PCSK6: variants seen among roughly 807,000 people sequenced by gnomAD.
PCSK6 encodes paired basic amino acid cleaving enzyme 4.
A neutral mutation model predicts 123.3 loss-of-function variants in PCSK6; 85 were observed. The observed-to-expected ratio is 0.69, with a 90% CI of 0.58 to 0.83. The LOEUF (loss-of-function observed/expected upper bound fraction) is 0.83. Ranked by LOEUF, PCSK6 falls within the 40% of genes least tolerant of loss-of-function variation. PCSK6 has a pLI of 0.00. For missense variants in PCSK6, 1,191 were observed against 1,282.3 expected, an observed-to-expected ratio of 0.93 and a Z score of 1.09; for synonymous variants, 508 against 516.0, an observed-to-expected ratio of 0.98 and a Z score of 0.21.
At chr15:101,420,130 G>A (rs571030228) in intron 6 of PCSK6, among the ~76,000 whole-genome samples, 1 of 148,284 alleles carries the variant, frequency 6.7e-6, no homozygotes, top group Non-Finnish European at 1.5e-5. Flanking sequence ...GGTGGAGGTT[G>A]CAGTGAGCTG....
At chr15:101,467,871 T>C (rs2057502880) in intron 1 of PCSK6, among the ~76,000 whole-genome samples, 1 of 152,186 alleles carries the variant, frequency 6.6e-6, no homozygotes, top group Non-Finnish European at 1.5e-5. Flanking sequence ...ACGCGGACAG[T>C]GGCTTCCTGC....
chr15:101,317,218 G>A (rs2040012449), intron 19 of PCSK6, among the ~76,000 whole-genome samples: 1 of 152,094 alleles, frequency 6.6e-6, no homozygotes, highest in African/African-American at 2.4e-5. Context: ...GGCCAGTAGA[G>A]ACTTAATTCT....
At position 101,427,956 on chromosome 15, in the gene PCSK6, T is replaced by C. The variant is rs2141108005; in HGVS notation, c.759A>G (p.Glu253=). The C allele has an allele frequency of 6.3e-7, 1 of 1,584,414 alleles. No individual in the cohort carries two copies. Among genetic ancestry groups the C allele is most frequent in the East Asian group, 2.3e-5 (1 of 43,688 alleles). The change falls in exon 6 of 22, where the codon GAA becomes GAG. Residue 253 remains glutamate, a synonymous_variant. Coordinates refer to ENST00000611716, the MANE Select transcript of PCSK6 (RefSeq NM_002570.5). ...AGGAATTGTTTGCTGAAGCAGCAACTTCTCCCGCACAACGAGTGCCGTGTC... is the reference window on the plus strand; with the variant it reads ...AGGAATTGTTTGCTGAAGCAGCAACCTCTCCCGCACAACGAGTGCCGTGTC... ...ENKHGTRCAG[E]VAASANNSYC... is the part of the protein sequence containing the mutation.
chr15:101,407,083 C>G (rs1345602159), intron 6 of PCSK6, among the ~76,000 whole-genome samples: 1 of 151,730 alleles, frequency 6.6e-6, no homozygotes, highest in East Asian at 1.9e-4. Context: ...CCGTGACCAG[C>G]GTGGGAGGCT....
At chr15:101,397,790 A>G (rs528905822) in intron 7 of PCSK6, among the ~76,000 whole-genome samples, 4 of 152,334 alleles carry the variant, frequency 2.6e-5, no homozygotes, top group South Asian at 2.1e-4. Flanking sequence ...ACCAAAGACC[A>G]CAGAGTGGCT....
chr15:101,425,400 T>A (rs1124446), intron 6 of PCSK6, among the ~76,000 whole-genome samples: 107,963 of 152,040 alleles, frequency 0.71, 38,556 homozygotes, highest in African/African-American at 0.79. Flanking sequence ...TCCCTCTCTG[T>A]GTGTGCTGGC....
At chr15:101,426,767 G>A (rs1177271795) in intron 6 of PCSK6, among the ~76,000 whole-genome samples, 8 of 115,064 alleles carry the variant, frequency 7.0e-5, no homozygotes, top group East Asian at 2.6e-4. Context: ...ACCAAGGCTC[G>A]GTGGCAGAAC....
chr15:101,489,057 C>G (rs1453432224), intron 1 of PCSK6, among the ~76,000 whole-genome samples: 1 of 149,704 alleles, frequency 6.7e-6, no homozygotes, highest in Non-Finnish European at 1.5e-5. Flanking sequence ...CGCGCCGCCC[C>G]GGCTTCTGAG....
Position 101,383,908 on chromosome 15 carries a change from T to G in PCSK6, c.1414+414A>C, listed in dbSNP as rs1182442809. On this transcript the variant is annotated intron_variant, in intron 10 of 21. Coordinates refer to ENST00000611716, the MANE Select transcript of PCSK6 (RefSeq NM_002570.5). ...AAAAAAAAGTAGTGGGGGAAGTAAT[T>G]TTTTTTTTAAGAGATGGAGTCCTGC... Among the ~76,000 whole-genome samples, 4 of 151,404 alleles carry G rather than the reference T, an allele frequency of 2.6e-5. No homozygotes were observed. The East Asian group carries it at 7.7e-4, about 29-fold the overall frequency.
intron 6 of PCSK6, among the ~76,000 whole-genome samples, chr15:101,423,858 G>A (rs1006808116): frequency 1.3e-5 from 2 of 152,050 alleles, no homozygotes; most frequent in Non-Finnish European, 2.9e-5. Context: ...GAATTAATAC[G>A]AAGAAAACTA....
intron 1 of PCSK6, among the ~76,000 whole-genome samples, chr15:101,464,891 C>T (rs1249062158): frequency 2.6e-5 from 4 of 152,148 alleles, no homozygotes; most frequent in East Asian, 1.9e-4. Flanking sequence ...ACGGGAACTG[C>T]GGGATCCTGG....
chr15:101,320,148 C>T (rs554046925), intron 18 of PCSK6, among the ~76,000 whole-genome samples: 28 of 152,244 alleles, frequency 1.8e-4, no homozygotes, highest in South Asian at 6.2e-4. Context: ...TGCAGTGGCA[C>T]GATCTCAGCT....
chr15:101,371,679 T>C (rs2041591228), intron 11 of PCSK6, among the ~76,000 whole-genome samples: 1 of 152,102 alleles, frequency 6.6e-6, no homozygotes, highest in Non-Finnish European at 1.5e-5. Context: ...GAGCTGGGAT[T>C]TGGGGCCCCA....
At position 101,398,669 on chromosome 15, in the gene PCSK6, C is replaced by T; in HGVS notation, c.824-93G>A. 1 of 1,346,342 alleles carries T rather than the reference C, an allele frequency of 7.4e-7. No homozygotes were observed. The highest frequency in any genetic ancestry group is 1.0e-6 in the Non-Finnish European group (1 of 983,664). 83.4% of individuals were successfully genotyped at this position (1,346,342 alleles called of 1,614,324 possible). Reference sequence around the variant, plus strand: ...CCAGGAGGCTCGGATGAGGACACCGCATCACAGAGTCCCTCCCCAGCAGGG... The same window carrying T: ...CCAGGAGGCTCGGATGAGGACACCGTATCACAGAGTCCCTCCCCAGCAGGG... On this transcript the variant is annotated intron_variant, in intron 6 of 21. Transcript: ENST00000611716. The surrounding 1 kb of genome is among the most constrained non-coding windows in gnomAD (Gnocchi z 4.6).
chr15:101,326,022 C>A (rs1473005619), intron 16 of PCSK6, among the ~76,000 whole-genome samples: 1 of 152,256 alleles, frequency 6.6e-6, no homozygotes, highest in Admixed American at 6.5e-5. Flanking sequence ...CTGAGCTGGC[C>A]TGTGAGGACA....
chr15:101,446,782 G>A (rs559893471), intron 1 of PCSK6, among the ~76,000 whole-genome samples: 3 of 152,328 alleles, frequency 2.0e-5, no homozygotes, highest in Non-Finnish European at 4.4e-5. Context: ...TCCATACACG[G>A]AGTGACTCAA....
At chr15:101,484,037 G>A (rs1285580640) in intron 1 of PCSK6, among the ~76,000 whole-genome samples, 3 of 152,034 alleles carry the variant, frequency 2.0e-5, no homozygotes, top group African/African-American at 4.8e-5. Flanking sequence ...AGGTATATGC[G>A]TCAATATACG....
chr15:101,310,550 G>C (rs1049556240), intron 20 of PCSK6, among the ~76,000 whole-genome samples: 5 of 152,244 alleles, frequency 3.3e-5, no homozygotes, highest in African/African-American at 1.2e-4. Flanking sequence ...TTTAACTTCA[G>C]ACAACTGTGC....
intron 13 of PCSK6, among the ~76,000 whole-genome samples, chr15:101,359,310 C>T (rs1046927863): frequency 3.9e-5 from 6 of 152,206 alleles, no homozygotes; most frequent in African/African-American, 1.4e-4. Context: ...CTGCACCCGT[C>T]TCAACCTTCT....
Sources: gnomAD v4.1 joint callset for allele counts (sites outside exome capture counted in the v4.1 genomes callset) on GRCh38, gnomAD v4.1.1 for gene constraint, Gnocchi (gnomAD v3.1) non-coding constraint, MANE v1.5 for transcripts, NCBI Gene and HGNC (gene_info 2026-07-23, HGNC 2026-07-21) for gene names.